Variants in DTNA observed in about 807,000 individuals in gnomAD.
The protein encoded by DTNA is dystrophin-related protein 3.
In DTNA, 43 loss-of-function variants were observed where a neutral mutation model predicts 100.7. The ratio of observed to expected loss-of-function variants is 0.43; its 90% CI spans 0.33 to 0.55. The LOEUF is 0.55. DTNA is among the 20% of genes least tolerant of loss of function. DTNA has a pLI of 0.04. For missense variants in DTNA, 798 were observed against 953.9 expected (o/e 0.84, Z 2.15); for synonymous variants, 349 against 347.9 (o/e 1.00, Z -0.04).
intron 1 of DTNA, among the ~76,000 whole-genome samples, chr18:34,754,914 G>A (rs934530334): frequency 2.0e-5 from 3 of 152,184 alleles, no homozygotes; most frequent in Non-Finnish European, 4.4e-5. Context: ...AAGGGTGACA[G>A]CAAGTTAGCT....
chr18:34,524,896 C>T (rs1438005665), intron 1 of DTNA, among the ~76,000 whole-genome samples: 1 of 152,032 alleles, frequency 6.6e-6, no homozygotes, highest in Non-Finnish European at 1.5e-5. Context: ...CACTTGAAAG[C>T]AAGTGAGTTT....
chr18:34,553,521 A>T (rs1463471347), intron 1 of DTNA, among the ~76,000 whole-genome samples: 295 of 151,822 alleles, frequency 1.9e-3, no homozygotes, highest in Non-Finnish European at 3.1e-3. Flanking sequence ...AGGTCTAACG[A>T]TTAAGTCTTT....
chr18:34,699,966 C>T (rs375171919), intron 1 of DTNA, among the ~76,000 whole-genome samples: 5 of 152,252 alleles, frequency 3.3e-5, no homozygotes, highest in Non-Finnish European at 5.9e-5. Context: ...TGTCTCTTTC[C>T]GCCTTTCTCA....
chr18:34,531,809 A>G (rs1232083888), intron 1 of DTNA, among the ~76,000 whole-genome samples: 2 of 152,164 alleles, frequency 1.3e-5, no homozygotes, highest in African/African-American at 2.4e-5. Context: ...CCTGAAACAA[A>G]GAATGATAAT....
chr18:34,511,832 A>C (rs1368858681), intron 1 of DTNA, among the ~76,000 whole-genome samples: 1 of 152,084 alleles, frequency 6.6e-6, no homozygotes, highest in Non-Finnish European at 1.5e-5. Flanking sequence ...GCATATTTAA[A>C]TATATTAGGT....
At chr18:34,707,943 A>C (rs2082321501), upstream of DTNA, among the ~76,000 whole-genome samples, 1 of 152,188 alleles carries the variant, frequency 6.6e-6, no homozygotes, top group Non-Finnish European at 1.5e-5. Flanking sequence ...AGCTATTTTA[A>C]TCATCCCAAC....
chr18:34,879,562 G>C lies in DTNA; in HGVS notation c.2005G>C (p.Glu669Gln). ...ATTGTATCTGCTAGAGGTTGGGAGTGAAACAGAGAGTAATGTGGATTCTGA... is the reference window on the plus strand; with the variant it reads ...ATTGTATCTGCTAGAGGTTGGGAGTCAAACAGAGAGTAATGTGGATTCTGA... ...VKELNSEVGS[E>Q]TESNVDSEFA... Residue 669 changes from glutamate (E) to glutamine (Q), a missense_variant, in exon 20 of 23, where the codon GAA (glutamate) becomes CAA (glutamine). Glu to Gln is a conservative substitution (Grantham distance 29). This residue lies in a region of DTNA where 242 missense variants were observed against 238.2 expected (regional missense o/e 1.02). Coordinates refer to ENST00000444659, the MANE Select transcript of DTNA (RefSeq NM_001386795.1). The C allele has an allele frequency of 1.2e-6, 2 of 1,614,046 alleles. No homozygotes were observed. The highest frequency in any genetic ancestry group is 1.7e-6 in the Non-Finnish European group (2 of 1,179,960).
intron 1 of DTNA, among the ~76,000 whole-genome samples, chr18:34,692,604 AC>A (rs1220603888): frequency 6.6e-6 from 1 of 152,246 alleles, no homozygotes; most frequent in Admixed American, 6.5e-5. Flanking sequence ...TTATAACTGC[AC>A]AGATCTTTAC....
At chr18:34,649,577 A>G (rs2060218872) in intron 1 of DTNA, among the ~76,000 whole-genome samples, 1 of 152,244 alleles carries the variant, frequency 6.6e-6, no homozygotes, top group Non-Finnish European at 1.5e-5. Flanking sequence ...GTTGGATTAA[A>G]TTAAATGCTT....
At chr18:34,875,498 T>C (rs2096806354) in intron 18 of DTNA, 100 bp downstream of exon 18, 3 of 1,541,840 alleles carry the variant, frequency 1.9e-6, no homozygotes, top group South Asian at 2.3e-5. Context: ...CATGTGACTA[T>C]TGTAGGGTCT....
intron 1 of DTNA, among the ~76,000 whole-genome samples, chr18:34,721,972 C>T (rs1045600683): frequency 1.3e-5 from 2 of 152,136 alleles, no homozygotes; most frequent in African/African-American, 4.8e-5. Flanking sequence ...TAGGGTTTTC[C>T]GGTTTGGCTA....
chr18:34,498,513 A>G (rs939358917), intron 1 of DTNA, among the ~76,000 whole-genome samples: 13 of 150,994 alleles, frequency 8.6e-5, no homozygotes, highest in African/African-American at 2.9e-4. Flanking sequence ...TTATTCCTCA[A>G]TTTAAAAGTA....
chr18:34,648,531 T>C (rs750257190), intron 1 of DTNA, among the ~76,000 whole-genome samples: 7 of 152,200 alleles, frequency 4.6e-5, no homozygotes, highest in Non-Finnish European at 8.8e-5. Context: ...TTGGAGTAGA[T>C]GGGTAAATAC....
chr18:34,830,471 A>G (rs1356074175), intron 11 of DTNA, among the ~76,000 whole-genome samples: 1 of 152,168 alleles, frequency 6.6e-6, no homozygotes, highest in Non-Finnish European at 1.5e-5. Flanking sequence ...CAGGGATATA[A>G]CTTTGAAGTC....
intron 1 of DTNA, among the ~76,000 whole-genome samples, chr18:34,658,439 G>GC (rs1452809231): frequency 1.2e-4 from 19 of 152,096 alleles, no homozygotes; most frequent in Non-Finnish European, 4.4e-5. Flanking sequence ...TGTAATCTCT[G>GC]CCCCCCGGGT....
intron 1 of DTNA, among the ~76,000 whole-genome samples, chr18:34,614,878 T>C (rs1431979731): frequency 6.6e-6 from 1 of 152,228 alleles, no homozygotes; most frequent in Non-Finnish European, 1.5e-5. Flanking sequence ...TTTGAGAGGA[T>C]TCGCTCCAAT....
intron 1 of DTNA, among the ~76,000 whole-genome samples, chr18:34,660,700 C>T (rs1327449156): frequency 6.6e-6 from 1 of 152,116 alleles, no homozygotes; most frequent in East Asian, 1.9e-4. Flanking sequence ...CTCCAAAACC[C>T]CTTATCTTAG....
intron 1 of DTNA, among the ~76,000 whole-genome samples, chr18:34,527,720 GT>G (rs1175922657): frequency 6.6e-6 from 1 of 152,102 alleles, no homozygotes; most frequent in Non-Finnish European, 1.5e-5. Context: ...CAAGTGCCTA[GT>G]TCCAGGTCAG....
chr18:34,629,742 TC>T (rs1228266284), intron 1 of DTNA, among the ~76,000 whole-genome samples: 1 of 152,160 alleles, frequency 6.6e-6, no homozygotes, highest in African/African-American at 2.4e-5. Context: ...CCCCAGTCCT[TC>T]ATTTTCTCAT....
Sources: allele counts gnomAD v4.1 joint callset (sites outside exome capture counted in the v4.1 genomes callset), GRCh38; gene constraint gnomAD v4.1.1; regional missense constraint gnomAD v4.1.1; transcripts MANE v1.5; gene names NCBI Gene and HGNC (gene_info 2026-07-23, HGNC 2026-07-21).